The following CACNA1C variants were observed in gnomAD, a reference collection of about 807,000 sequenced individuals.
The protein encoded by CACNA1C is calcium voltage-gated channel subunit alpha1 C, also known as voltage-dependent L-type calcium channel subunit alpha-1C.
A neutral mutation model predicts 229.0 loss-of-function variants in CACNA1C; 30 were observed. The observed-to-expected ratio is 0.13, with a 90% CI of 0.10 to 0.18. The LOEUF (loss-of-function observed/expected upper bound fraction) is 0.18. CACNA1C is among the 10% of genes least tolerant of loss of function. CACNA1C has a pLI of 1.00. For synonymous variants in CACNA1C, 1,114 were observed against 1,132.5 expected (o/e 0.98, Z 0.33); for missense variants, 1,658 against 2,845.0 (o/e 0.58, Z 9.49).
intron 3 of CACNA1C, among the ~76,000 whole-genome samples, chr12:2,435,575 CTGCAGCACCCCTGGAGT>C (rs1395859385): frequency 2.0e-5 from 3 of 152,200 alleles, no homozygotes; most frequent in Admixed American, 6.5e-5. Context: ...AGGGTGGCCT[CTGCAGCACCCCTGGAGT>C]TGCACCCCGA....
chr12:2,400,385 G>GC (rs2098660662), intron 3 of CACNA1C, among the ~76,000 whole-genome samples: 4 of 152,152 alleles, frequency 2.6e-5, no homozygotes, highest in African/African-American at 7.2e-5. Context: ...GGGCTTATGT[G>GC]CCCATAACTG....
chr12:2,585,643 G>C lies in CACNA1C; in HGVS notation c.2460+147G>C. On this transcript the variant is annotated intron_variant, in intron 17 of 46. Coordinates refer to ENST00000399655, the MANE Select transcript of CACNA1C (RefSeq NM_000719.7). This position sits in a 1 kb window ranked among gnomAD's most constrained non-coding sequence, Gnocchi z 4.1. ...GCCAGTGGGGATGAACAGGAGAGCT[G>C]GGAGGGGGAAGATAAGGCAGATTGG... 2.8e-6 allele frequency: 3 copies of C among 1,075,452 alleles called. No individual in the cohort carries two copies. The highest frequency in any genetic ancestry group is 2.6e-4 in the Middle Eastern group (1 of 3,906). 66.6% of individuals were successfully genotyped at this position (1,075,452 alleles called of 1,614,324 possible). A position where few individuals can be genotyped will look rare whatever the true frequency, so the allele number is the denominator to read the frequency against.
chr12:2,064,175 CA>C (rs911919849), intron 1 of CACNA1C, among the ~76,000 whole-genome samples: 5 of 151,904 alleles, frequency 3.3e-5, no homozygotes, highest in African/African-American at 1.2e-4. Context: ...AAAAACGAAA[CA>C]AAAAAAACCG....
chr12:2,564,140 A>G (rs1001350720), intron 11 of CACNA1C, among the ~76,000 whole-genome samples: 2 of 152,224 alleles, frequency 1.3e-5, no homozygotes, highest in African/African-American at 4.8e-5. Context: ...TATGCCACAC[A>G]CAGACACACA....
intron 1 of CACNA1C, among the ~76,000 whole-genome samples, chr12:1,984,778 T>TTA (rs1230989393): frequency 1.1e-4 from 9 of 81,348 alleles, no homozygotes; most frequent in Non-Finnish European, 1.6e-4. Flanking sequence ...GGTCTTCTGG[T>TTA]AAAAAAAAAA....
chr12:2,474,521 G>A lies in CACNA1C; in HGVS notation c.758-11583G>A, dbSNP rs559701853. Reference sequence around the variant, plus strand: ...TATAATCCCAGCACTTTGGGAGGCCGAGGCAGGCAGATCACTTGAGGCCAG... The same window carrying A: ...TATAATCCCAGCACTTTGGGAGGCCAAGGCAGGCAGATCACTTGAGGCCAG... On this transcript the variant is annotated intron_variant, in intron 5 of 46. Coordinates refer to ENST00000399655, the MANE Select transcript of CACNA1C (RefSeq NM_000719.7). Among the ~76,000 whole-genome samples the A allele has an allele frequency of 9.2e-5, 14 of 152,270 alleles. No homozygotes were observed. In the South Asian group the frequency reaches 2.7e-3, roughly 29 times the overall value.
rs528240337 is a variant in CACNA1C at position 2,525,630 on chromosome 12, C to T, written c.1390+12646C>T. On this transcript the variant is annotated intron_variant, in intron 9 of 46. Transcript: ENST00000399655. ...CCTAAAAGGTGCCACATGGAGAATT[C>T]CAAGCAACTCAGCCTATTAAATCCT... Among the ~76,000 whole-genome samples the T allele has an allele frequency of 4.6e-5, 6 of 130,648 alleles. No homozygotes were observed. In the South Asian group the frequency reaches 1.4e-3, roughly 30 times the overall value. 85.7% of individuals were successfully genotyped at this position (130,648 alleles called of 152,430 possible).
chr12:2,641,775 C>G lies in CACNA1C; in HGVS notation c.3913-6700C>G, dbSNP rs1344178948. On this transcript the variant is annotated intron_variant, in intron 30 of 46. Transcript: ENST00000399655. Reference sequence around the variant, plus strand: ...TGTATCTCAGGTGAGCCTTTAGCAACGTGACCCCTGAGTGGGGAGATTACT... The same window carrying G: ...TGTATCTCAGGTGAGCCTTTAGCAAGGTGACCCCTGAGTGGGGAGATTACT... 18 of 702,342 alleles carry G rather than the reference C, an allele frequency of 2.6e-5. No individual in the cohort carries two copies. The Admixed American group carries it at 3.6e-4, about 14-fold the overall frequency. The allele number at this position is 702,342 out of a possible 1,614,324, so 43.5% of individuals were successfully genotyped here.
At chr12:2,035,132 T>C (rs2048886699) in intron 1 of CACNA1C, among the ~76,000 whole-genome samples, 1 of 152,166 alleles carries the variant, frequency 6.6e-6, no homozygotes, top group Non-Finnish European at 1.5e-5. Context: ...TGGCCTCCCC[T>C]GCGCCGGCGC....
chr12:2,459,160 T>C (rs2099474699), intron 5 of CACNA1C, among the ~76,000 whole-genome samples: 2 of 109,038 alleles, frequency 1.8e-5, no homozygotes, highest in South Asian at 6.5e-4. Context: ...TTTTTGTTTT[T>C]TTGTGTGTGT....
upstream of CACNA1C, chr12:2,048,293 G>A (rs1470790038): frequency 1.3e-5 from 2 of 152,226 alleles, no homozygotes; most frequent in South Asian, 2.1e-4. Context: ...AGGAACGGTT[G>A]TGCGTGGCCC....
At chr12:2,510,682 T>G (rs980128631) in intron 8 of CACNA1C, among the ~76,000 whole-genome samples, 2 of 152,126 alleles carry the variant, frequency 1.3e-5, no homozygotes, top group African/African-American at 4.8e-5. Flanking sequence ...AACCAGAACT[T>G]GAACCCTCTG....
intron 3 of CACNA1C, among the ~76,000 whole-genome samples, chr12:2,344,698 G>A (rs571925342): frequency 6.6e-5 from 10 of 152,114 alleles, no homozygotes; most frequent in African/African-American, 2.2e-4. Context: ...GCCTATGTGT[G>A]TCCCTGTGTG....
At position 2,537,843 on chromosome 12, in the gene CACNA1C, C is replaced by T. The variant is rs1000260977; in HGVS notation, c.1391-12100C>T. Among the ~76,000 whole-genome samples, 8 of 147,662 alleles carry T rather than the reference C, an allele frequency of 5.4e-5. No homozygotes were observed. The East Asian group carries it at 1.2e-3, about 23-fold the overall frequency. On this transcript the variant is annotated intron_variant, in intron 9 of 46. Transcript: ENST00000399655. ...GATAGCCTGTTTTCCCCATAGTCCC[C>T]GAGGGTCTGAGCATGTCCCAGGCTG... is the stretch of plus-strand genomic sequence containing the variant.
chr12:2,568,565 C>T (rs1475835458), intron 13 of CACNA1C, among the ~76,000 whole-genome samples: 12 of 152,176 alleles, frequency 7.9e-5, no homozygotes, highest in Admixed American at 7.2e-4. Context: ...TCTACACATA[C>T]AGTTCAATAT....
intron 1 of CACNA1C, among the ~76,000 whole-genome samples, chr12:2,090,284 T>C (rs925441972): frequency 6.7e-6 from 1 of 149,314 alleles, no homozygotes; most frequent in African/African-American, 2.4e-5. Context: ...AAAGGCTGAA[T>C]AATAGTCCAT....
At chr12:2,333,970 C>A (rs1406897957) in intron 3 of CACNA1C, among the ~76,000 whole-genome samples, 1 of 152,204 alleles carries the variant, frequency 6.6e-6, no homozygotes, top group Admixed American at 6.5e-5. Flanking sequence ...CTAACTTCCT[C>A]TTTATCCCTT....
At chr12:2,399,400 A>C (rs944016836) in intron 3 of CACNA1C, among the ~76,000 whole-genome samples, 1 of 152,176 alleles carries the variant, frequency 6.6e-6, no homozygotes, top group Non-Finnish European at 1.5e-5. Context: ...AGGATGGTGA[A>C]TGCAAAGATT....
chr12:2,461,502 T>C (rs997624061), intron 5 of CACNA1C, among the ~76,000 whole-genome samples: 12 of 152,178 alleles, frequency 7.9e-5, no homozygotes, highest in South Asian at 2.1e-4. Flanking sequence ...ATATAATCTA[T>C]GTATCTTCCA....
Sources: allele counts gnomAD v4.1 joint callset (sites outside exome capture counted in the v4.1 genomes callset), GRCh38; gene constraint gnomAD v4.1.1; non-coding constraint Gnocchi (gnomAD v3.1); transcripts MANE v1.5; gene names NCBI Gene and HGNC (gene_info 2026-07-23, HGNC 2026-07-21).